The following TMOD3 variants were observed in gnomAD, a reference collection of about 807,000 sequenced individuals.
TMOD3 encodes the protein tropomodulin-3.
TMOD3 carries 20 observed loss-of-function variants against 39.2 expected under a neutral mutation model. The observed-to-expected ratio is 0.51, with a 90% CI of 0.36 to 0.74. The LOEUF (loss-of-function observed/expected upper bound fraction) is 0.74, where lower values mean the gene tolerates loss of function less well. Ranked by LOEUF, TMOD3 falls within the 30% of genes least tolerant of loss-of-function variation. TMOD3 has a pLI of 0.00. For missense variants in TMOD3, 381 were observed against 412.8 expected (o/e 0.92, Z 0.67); for synonymous variants, 143 against 145.8 (o/e 0.98, Z 0.14).
chr15:51,886,103 C>T (rs191221477), intron 3 of TMOD3, among the ~76,000 whole-genome samples: 3,683 of 151,282 alleles, frequency 0.024, 61 homozygotes, highest in Middle Eastern at 0.087. Context: ...ACCTCCCAGA[C>T]GGGGTGGCGG....
chr15:51,906,627 A>T (rs2623264), intron 9 of TMOD3, among the ~76,000 whole-genome samples: 7,455 of 152,242 alleles, frequency 0.049, 424 homozygotes, highest in African/African-American at 0.12. Context: ...TCTGTCCTGT[A>T]GATCTTTTCT....
At chr15:51,898,031 A>AT (rs959507639) in intron 7 of TMOD3, among the ~76,000 whole-genome samples, 13 of 152,148 alleles carry the variant, frequency 8.5e-5, no homozygotes, top group African/African-American at 3.1e-4. Context: ...ACCAAGAGTG[A>AT]TTCTTTTAAA....
At chr15:51,887,864 A>G (rs111886857) in intron 4 of TMOD3, 153 bp downstream of exon 4, 6 of 878,140 alleles carry the variant, frequency 6.8e-6, no homozygotes, top group Non-Finnish European at 1.0e-5. Flanking sequence ...TACACGGTAA[A>G]GCTGACGTAA....
At chr15:51,903,941 C>T (rs1424278542) in intron 9 of TMOD3, among the ~76,000 whole-genome samples, 1 of 152,190 alleles carries the variant, frequency 6.6e-6, no homozygotes, top group Non-Finnish European at 1.5e-5. Context: ...CATTAGTGCG[C>T]TACACAGCCA....
chr15:51,900,198 T>C lies in TMOD3; in HGVS notation c.779T>C (p.Leu260Ser), dbSNP rs2056642802. 6.2e-7 allele frequency: 1 copy of C among 1,614,136 alleles called. No homozygotes were observed. Among genetic ancestry groups the C allele is most frequent in the Non-Finnish European group, 8.5e-7 (1 of 1,180,054 alleles). The change falls in exon 8 of 10, where the codon TTA becomes TCA. Residue 260 changes from leucine (L) to serine (S), a missense_variant. Leu to Ser is a moderately radical substitution (Grantham distance 145). Transcript: ENST00000308580. ...MLKVNKTLKS[L>S]NVESNFITGV... Reference sequence around the variant, plus strand: ...AAAGTGAACAAAACTTTGAAGAGCTTAAATGTGGAGTCCAACTTTATCACG... The same window carrying C: ...AAAGTGAACAAAACTTTGAAGAGCTCAAATGTGGAGTCCAACTTTATCACG...
intron 6 of TMOD3, 138 bp downstream of exon 6, chr15:51,894,083 G>T: frequency 4.7e-6 from 3 of 632,848 alleles, no homozygotes; most frequent in South Asian, 5.0e-5. Flanking sequence ...GCTAACATAG[G>T]TTTCTTCATA....
At chr15:51,907,245 G>T (rs1002133150) in intron 9 of TMOD3, 1 of 152,144 alleles carries the variant, frequency 6.6e-6, no homozygotes, top group Non-Finnish European at 1.5e-5. Flanking sequence ...ATGATACAGA[G>T]AAGATGAGCA....
At chr15:51,835,217 A>G (rs1327039390) in intron 1 of TMOD3, among the ~76,000 whole-genome samples, 2 of 152,230 alleles carry the variant, frequency 1.3e-5, no homozygotes, top group African/African-American at 4.8e-5. Context: ...ATAGCAAGCT[A>G]TAGGGAGCTT....
chr15:51,880,961 T>C (rs1193926671), intron 3 of TMOD3, among the ~76,000 whole-genome samples: 1 of 152,228 alleles, frequency 6.6e-6, no homozygotes, highest in African/African-American at 2.4e-5. Flanking sequence ...TTGAAATTTC[T>C]CCACATGCTT....
In TMOD3 at chr15:51,886,947, G is replaced by A. The variant is rs560755492; in HGVS notation, c.284-642G>A. ...ATAATAAGAAATTGGGGCCAGGTGC[G>A]GTAGCTTACATCTGTAATCCTAGCA... On this transcript the variant is annotated intron_variant, in intron 3 of 9. Coordinates refer to ENST00000308580, the MANE Select transcript of TMOD3 (RefSeq NM_014547.5). Among the ~76,000 whole-genome samples the A allele has an allele frequency of 4.6e-5, 7 of 152,184 alleles. No homozygotes were observed. In the South Asian group the frequency reaches 1.0e-3, roughly 23 times the overall value.
chr15:51,901,065 C>G (rs1460053810), intron 8 of TMOD3: 2 of 152,236 alleles, frequency 1.3e-5, no homozygotes, highest in Non-Finnish European at 2.9e-5. Context: ...TAGGATTTGC[C>G]TATTCTGGAC....
At chr15:51,863,144 C>G in intron 2 of TMOD3, 134 bp downstream of exon 2, 1 of 879,254 alleles carries the variant, frequency 1.1e-6, no homozygotes, top group Non-Finnish European at 1.7e-6. Context: ...AATCAAGTTG[C>G]TTTTGGCTCT....
chr15:51,899,502 C>CA (rs1349424633), intron 7 of TMOD3, among the ~76,000 whole-genome samples: 2 of 151,602 alleles, frequency 1.3e-5, no homozygotes, highest in African/African-American at 4.8e-5. Flanking sequence ...CCCATCTCTA[C>CA]AAAAAATACA....
intron 3 of TMOD3, among the ~76,000 whole-genome samples, chr15:51,879,491 G>A (rs1240310891): frequency 6.6e-6 from 1 of 151,884 alleles, no homozygotes; most frequent in Non-Finnish European, 1.5e-5. Context: ...TAGATAGAAT[G>A]CTATCTACTG....
intron 5 of TMOD3, among the ~76,000 whole-genome samples, chr15:51,892,900 A>T (rs1448641027): frequency 6.6e-6 from 1 of 152,252 alleles, no homozygotes; most frequent in Non-Finnish European, 1.5e-5. Context: ...ATATACTAAG[A>T]CAATGAAAAT....
At chr15:51,892,405 A>G (rs532963828) in intron 5 of TMOD3, 7 of 152,208 alleles carry the variant, frequency 4.6e-5, no homozygotes, top group South Asian at 2.1e-4. Context: ...GAGCACAGTG[A>G]TCTCTTTAAA....
chr15:51,843,230 G>A lies in TMOD3; in HGVS notation c.-75+13394G>A, dbSNP rs138693743. 2.1e-3 allele frequency among the ~76,000 whole-genome samples: 314 copies of A among 152,138 alleles called. 2 individuals are homozygous for A. The highest frequency in any genetic ancestry group is 5.6e-3 in the Admixed American group (86 of 15,292). On this transcript the variant is annotated intron_variant, in intron 1 of 9. Transcript: ENST00000308580. ...TGGATAAGATAGAGAGGTGAAATTCGGGCCTGGGGTAAAAAGGATTGTTTA... is the reference window on the plus strand; with the variant it reads ...TGGATAAGATAGAGAGGTGAAATTCAGGCCTGGGGTAAAAAGGATTGTTTA...
intron 3 of TMOD3, among the ~76,000 whole-genome samples, chr15:51,877,308 A>C (rs940843328): frequency 6.6e-6 from 1 of 152,166 alleles, no homozygotes; most frequent in Non-Finnish European, 1.5e-5. Flanking sequence ...ATATACCTAT[A>C]AATATTCTTG....
In TMOD3 at chr15:51,861,117, T is replaced by G. The variant is rs529398054; in HGVS notation, c.-74-1694T>G. 8.4e-4 allele frequency: 441 copies of G among 526,466 alleles called. 3 individuals are homozygous for G. The highest frequency in any genetic ancestry group is 6.5e-3 in the South Asian group (430 of 66,606). The allele number at this position is 526,466 out of a possible 1,614,324, so 32.6% of individuals were successfully genotyped here. A position where few individuals can be genotyped will look rare whatever the true frequency, so the allele number is the denominator to read the frequency against. ...CTGTTCGAAAAGATTAATTTCATGT[T>G]GAACATAATTGATAAAGTCGTCCTT... On this transcript the variant is annotated intron_variant, in intron 1 of 9. Coordinates refer to ENST00000308580, the MANE Select transcript of TMOD3 (RefSeq NM_014547.5).
Sources: allele counts gnomAD v4.1 joint callset (sites outside exome capture counted in the v4.1 genomes callset), GRCh38; gene constraint gnomAD v4.1.1; transcripts MANE v1.5; gene names NCBI Gene and HGNC (gene_info 2026-07-23, HGNC 2026-07-21).